The following KALRN variants were observed in gnomAD, a reference collection of about 807,000 sequenced individuals.
The protein encoded by KALRN is kalirin.
A neutral mutation model predicts 353.7 loss-of-function variants in KALRN; 70 were observed. That is an observed-to-expected ratio of 0.20 (90% CI 0.16 to 0.24). The LOEUF (loss-of-function observed/expected upper bound fraction) is 0.24, where lower values mean the gene tolerates loss of function less well. Ranked by LOEUF, KALRN falls within the 10% of genes least tolerant of loss-of-function variation. The pLI, the probability that KALRN is intolerant of heterozygous loss-of-function variation, is 1.00. For missense variants in KALRN, 2,791 were observed against 3,756.7 expected, an observed-to-expected ratio of 0.74 and a Z score of 6.72; for synonymous variants, 1,391 against 1,434.8, an observed-to-expected ratio of 0.97 and a Z score of 0.69.
At chr3:124,339,258 G>A (rs536169949) in intron 9 of KALRN, among the ~76,000 whole-genome samples, 45 of 152,226 alleles carry the variant, frequency 3.0e-4, no homozygotes, top group African/African-American at 9.4e-4. Flanking sequence ...GGGCTGGAGA[G>A]GCCCAGGGTT....
chr3:124,440,905 G>T (rs1414952602), intron 18 of KALRN, among the ~76,000 whole-genome samples: 1 of 151,850 alleles, frequency 6.6e-6, no homozygotes, highest in Non-Finnish European at 1.5e-5. Context: ...CTAGATCTGT[G>T]TTGCTTCCTG....
chr3:124,435,944 AG>A (rs1209653984), intron 17 of KALRN, among the ~76,000 whole-genome samples: 19 of 152,252 alleles, frequency 1.2e-4, no homozygotes, highest in Admixed American at 1.2e-3. Flanking sequence ...AACTTGGACA[AG>A]TCACACTGCC....
chr3:124,217,595 A>AT (rs757224975), intron 1 of KALRN, among the ~76,000 whole-genome samples: 2 of 152,002 alleles, frequency 1.3e-5, no homozygotes, highest in East Asian at 3.9e-4. Flanking sequence ...GCTTCTTCAC[A>AT]TTTCTTTATC....
chr3:124,374,389 A>G (rs1272715209), intron 10 of KALRN: 1 of 152,306 alleles, frequency 6.6e-6, no homozygotes, highest in African/African-American at 2.4e-5. Context: ...CGTCTTTAAG[A>G]GGGTCAGGTA....
chr3:124,694,538 C>T, intron 53 of KALRN, 35 bp downstream of exon 53: 1 of 1,597,978 alleles, frequency 6.3e-7, no homozygotes, highest in South Asian at 1.1e-5. Context: ...CAACAGCAGC[C>T]CCTTGCTTGA....
intron 34 of KALRN, chr3:124,584,793 A>T: frequency 6.3e-7 from 1 of 1,587,308 alleles, no homozygotes; most frequent in Non-Finnish European, 8.6e-7. Context: ...GCCCCGTGCC[A>T]TGCGGGAGCG....
intron 1 of KALRN, among the ~76,000 whole-genome samples, chr3:124,108,382 G>T (rs980341112): frequency 1.8e-4 from 27 of 152,258 alleles, no homozygotes; most frequent in African/African-American, 5.5e-4. Context: ...TTTAACTAGT[G>T]ACTAAATACT....
rs6768023 is a variant in KALRN at position 124,436,950 on chromosome 3, A to T, written c.3049-1938A>T. ...GTTTGGTGACAGATCTTCTCATGTG[A>T]TGCTAGAGATGGGACTAGGGAAGTC... On this transcript the variant is annotated intron_variant, in intron 17 of 59. Coordinates refer to ENST00000682506, the MANE Select transcript of KALRN (RefSeq NM_001388419.1). 2.7e-3 allele frequency among the ~76,000 whole-genome samples: 393 copies of T among 144,018 alleles called. 3 individuals are homozygous for T. Among genetic ancestry groups the T allele is most frequent in the African/African-American group, 9.8e-3 (377 of 38,360 alleles). The allele number at this position is 144,018 out of a possible 152,430, so 94.5% of individuals were successfully genotyped here.
In KALRN at chr3:124,697,254, A is replaced by G. The variant is rs959353072; in HGVS notation, c.7700-339A>G. Among the ~76,000 whole-genome samples, 7 of 152,242 alleles carry G rather than the reference A, an allele frequency of 4.6e-5. 1 individual carries two copies. The South Asian group carries it at 1.4e-3, about 31-fold the overall frequency. On this transcript the variant is annotated intron_variant, in intron 54 of 59. Coordinates refer to ENST00000682506, the MANE Select transcript of KALRN (RefSeq NM_001388419.1). ...CTGCGACCTGGGGGAGAAAATGTCCATTGTAAAAATTCAAAAATAAAGTTC... is the reference window on the plus strand; with the variant it reads ...CTGCGACCTGGGGGAGAAAATGTCCGTTGTAAAAATTCAAAAATAAAGTTC...
At chr3:124,057,572 T>C (rs2041659103) in intron 1 of KALRN, among the ~76,000 whole-genome samples, 1 of 152,130 alleles carries the variant, frequency 6.6e-6, no homozygotes, top group Admixed American at 6.5e-5. Flanking sequence ...GCAGTCCTTA[T>C]TGATTGAGGA....
intron 33 of KALRN, among the ~76,000 whole-genome samples, chr3:124,512,470 T>C (rs1004796928): frequency 1.3e-5 from 2 of 152,040 alleles, no homozygotes; most frequent in Non-Finnish European, 2.9e-5. Context: ...GCCAACGTGG[T>C]GAAACCCTGC....
intron 37 of KALRN, among the ~76,000 whole-genome samples, chr3:124,643,590 T>C (rs1176462921): frequency 6.6e-6 from 1 of 152,176 alleles, no homozygotes; most frequent in Non-Finnish European, 1.5e-5. Context: ...CAAGCAATCT[T>C]TTCACTTCAA....
intron 34 of KALRN, among the ~76,000 whole-genome samples, chr3:124,577,524 C>T (rs1018258216): frequency 6.6e-6 from 1 of 152,120 alleles, no homozygotes; most frequent in Non-Finnish European, 1.5e-5. Context: ...TTTCTGTACA[C>T]CTTACTGTTA....
At chr3:124,315,863 A>G (rs540117322) in intron 6 of KALRN, among the ~76,000 whole-genome samples, 2 of 152,250 alleles carry the variant, frequency 1.3e-5, no homozygotes, top group East Asian at 1.9e-4. Flanking sequence ...GAAGTCTTGA[A>G]CTGTAAAGCA....
intron 34 of KALRN, among the ~76,000 whole-genome samples, chr3:124,591,643 G>A (rs1480812657): frequency 2.6e-5 from 4 of 152,188 alleles, no homozygotes; most frequent in South Asian, 2.1e-4. Context: ...GACAATGTAA[G>A]TAAAGGGCCT....
At chr3:124,251,933 T>C (rs1475535396) in intron 3 of KALRN, among the ~76,000 whole-genome samples, 2 of 152,142 alleles carry the variant, frequency 1.3e-5, no homozygotes, top group Non-Finnish European at 2.9e-5. Context: ...TTTGTTTTTG[T>C]TTTGTTTTGT....
At chr3:124,685,112 T>C (rs2061501599) in intron 51 of KALRN, among the ~76,000 whole-genome samples, 1 of 152,198 alleles carries the variant, frequency 6.6e-6, no homozygotes, top group Non-Finnish European at 1.5e-5. Flanking sequence ...ATAAAAAGAA[T>C]TTTTTCATGA....
intron 32 of KALRN, among the ~76,000 whole-genome samples, chr3:124,493,885 G>A (rs530176177): frequency 2.0e-5 from 3 of 152,372 alleles, no homozygotes; most frequent in East Asian, 3.9e-4. Flanking sequence ...CTGCTCTGGT[G>A]AAGGGGTCAT....
At chr3:124,677,130 C>A (rs1458160986) in intron 49 of KALRN, among the ~76,000 whole-genome samples, 3 of 152,194 alleles carry the variant, frequency 2.0e-5, no homozygotes, top group Non-Finnish European at 4.4e-5. Context: ...GCCTCTCTCC[C>A]ATAATGGACG....
Sources: gnomAD v4.1 joint callset for allele counts (sites outside exome capture counted in the v4.1 genomes callset) on GRCh38, gnomAD v4.1.1 for gene constraint, MANE v1.5 for transcripts, NCBI Gene and HGNC (gene_info 2026-07-23, HGNC 2026-07-21) for gene names.